Variants in LINGO2 observed in about 807,000 individuals in gnomAD.
The protein encoded by LINGO2 is leucine-rich repeat and immunoglobulin-like domain-containing nogo receptor-interacting protein 2.
Under a neutral mutation model 30.6 loss-of-function variants are expected in LINGO2, and 14 were observed. The ratio of observed to expected loss-of-function variants is 0.46; its 90% CI spans 0.30 to 0.72. The LOEUF is 0.72. Ranked by LOEUF, LINGO2 falls within the 30% of genes least tolerant of loss-of-function variation. LINGO2 has a pLI of 0.07. For synonymous variants in LINGO2, 317 were observed against 288.5 expected, an observed-to-expected ratio of 1.10 and a Z score of -1.00; for missense variants, 729 against 751.7, an observed-to-expected ratio of 0.97 and a Z score of 0.35.
At chr9:27,978,527 G>A (rs184523102) in intron 5 of LINGO2, among the ~76,000 whole-genome samples, 32 of 152,112 alleles carry the variant, frequency 2.1e-4, no homozygotes, top group Admixed American at 1.8e-3. Context: ...TTTCCACCAT[G>A]TGAGGACACA....
At chr9:28,596,112 A>G (rs1208211024) in intron 1 of LINGO2, among the ~76,000 whole-genome samples, 1 of 152,208 alleles carries the variant, frequency 6.6e-6, no homozygotes, top group Non-Finnish European at 1.5e-5. Flanking sequence ...ATGATAGCAT[A>G]TACTTGAGAG....
chr9:28,213,073 T>C lies in LINGO2; in HGVS notation c.-87+82135A>G, dbSNP rs73446001. ...TGAATCTGAAACTGTATGCAAAGTT[T>C]TGCCCTGTGCAATGACATTTGTAAG... On this transcript the variant is annotated intron_variant, in intron 4 of 5. Transcript: ENST00000379992. Among the ~76,000 whole-genome samples, 1,167 of 151,644 alleles carry C rather than the reference T, an allele frequency of 7.7e-3. 9 individuals are homozygous for C. Among genetic ancestry groups the C allele is most frequent in the African/African-American group, 0.027 (1,121 of 41,476 alleles).
At chr9:28,680,448 C>T in the LINGO2 span, among the ~76,000 whole-genome samples, 3 of 152,068 alleles carry the variant, frequency 2.0e-5, no homozygotes, top group Non-Finnish European at 4.4e-5. Context: ...CTTCAACATA[C>T]TGATTTTATT....
the LINGO2 span, among the ~76,000 whole-genome samples, chr9:28,969,993 T>C: frequency 2.6e-5 from 4 of 152,228 alleles, no homozygotes; most frequent in African/African-American, 9.6e-5. Flanking sequence ...AATATGTGTT[T>C]ATGATTCATC....
intron 5 of LINGO2, among the ~76,000 whole-genome samples, chr9:27,999,662 T>C (rs1384527596): frequency 7.9e-5 from 12 of 152,152 alleles, no homozygotes. Flanking sequence ...AAGTCTTCTT[T>C]TGAAATATTA....
intron 4 of LINGO2, among the ~76,000 whole-genome samples, chr9:28,090,714 G>A (rs1826054501): frequency 6.6e-6 from 1 of 152,108 alleles, no homozygotes; most frequent in Admixed American, 6.6e-5. Flanking sequence ...GTTCTGGCCA[G>A]GGCAATTAGG....
chr9:28,441,354 A>T (rs1250329495), intron 2 of LINGO2, among the ~76,000 whole-genome samples: 2 of 139,094 alleles, frequency 1.4e-5, no homozygotes, highest in South Asian at 2.3e-4. Context: ...TTAAATACAG[A>T]AGCTCTTTGT....
intron 2 of LINGO2, among the ~76,000 whole-genome samples, chr9:28,424,414 G>A (rs1320203179): frequency 6.6e-6 from 1 of 152,102 alleles, no homozygotes; most frequent in Non-Finnish European, 1.5e-5. Context: ...CCAATAGCTA[G>A]ACAATTGCCA....
At chr9:28,990,914 A>G in the LINGO2 span, among the ~76,000 whole-genome samples, 1 of 152,200 alleles carries the variant, frequency 6.6e-6, no homozygotes, top group African/African-American at 2.4e-5. Flanking sequence ...AAAGATGGGG[A>G]AAAAACAGAG....
intron 2 of LINGO2, among the ~76,000 whole-genome samples, chr9:28,417,472 A>T (rs1435416519): frequency 6.6e-6 from 1 of 152,248 alleles, no homozygotes; most frequent in African/African-American, 2.4e-5. Context: ...GATAAGTCTG[A>T]TAATATAGAA....
At chr9:28,119,970 A>G (rs1368624592) in intron 4 of LINGO2, among the ~76,000 whole-genome samples, 1 of 152,170 alleles carries the variant, frequency 6.6e-6, no homozygotes, top group Non-Finnish European at 1.5e-5. Flanking sequence ...TTCCCAACAT[A>G]CCTATTGTGG....
chr9:28,429,522 A>T (rs1045336775), intron 2 of LINGO2, among the ~76,000 whole-genome samples: 1 of 152,094 alleles, frequency 6.6e-6, no homozygotes, highest in Non-Finnish European at 1.5e-5. Flanking sequence ...ACCAATATGG[A>T]GCTGTGCATA....
At chr9:29,212,223 C>G in the LINGO2 span, among the ~76,000 whole-genome samples, 3 of 152,028 alleles carry the variant, frequency 2.0e-5, no homozygotes, top group Admixed American at 2.0e-4. Flanking sequence ...CGGAAGCGCG[C>G]CGGGACTGCC....
At chr9:28,386,410 A>G (rs145772235) in intron 2 of LINGO2, among the ~76,000 whole-genome samples, 1 of 152,152 alleles carries the variant, frequency 6.6e-6, no homozygotes, top group Non-Finnish European at 1.5e-5. Context: ...AACTGTACAT[A>G]TCCTGTTCCT....
chr9:28,609,043 A>T (rs532854836), intron 1 of LINGO2, among the ~76,000 whole-genome samples: 1 of 152,106 alleles, frequency 6.6e-6, no homozygotes, highest in African/African-American at 2.4e-5. Flanking sequence ...CAATACAATC[A>T]GATATGTCCA....
the LINGO2 span, among the ~76,000 whole-genome samples, chr9:28,924,856 C>A: frequency 1.3e-5 from 2 of 152,090 alleles, no homozygotes; most frequent in East Asian, 3.9e-4. Context: ...TACATAATGA[C>A]CTTGTCTCTT....
the LINGO2 span, among the ~76,000 whole-genome samples, chr9:28,784,065 A>G: frequency 6.6e-6 from 1 of 152,324 alleles, no homozygotes; most frequent in Admixed American, 6.5e-5. Flanking sequence ...TCATCCTATT[A>G]GTTTTGGAGG....
intron 4 of LINGO2, among the ~76,000 whole-genome samples, chr9:28,272,100 T>C (rs1002489440): frequency 6.6e-6 from 1 of 152,170 alleles, no homozygotes; most frequent in Non-Finnish European, 1.5e-5. Flanking sequence ...ACCATTTTCA[T>C]GGCTGCAGCC....
the LINGO2 span, among the ~76,000 whole-genome samples, chr9:28,870,023 GA>G: frequency 3.6e-4 from 53 of 146,766 alleles, no homozygotes; most frequent in Non-Finnish European, 5.4e-4. Context: ...TTCAGAATCA[GA>G]AAAAAAAAAC....
Sources: gnomAD v4.1 joint callset for allele counts (sites outside exome capture counted in the v4.1 genomes callset) on GRCh38, gnomAD v4.1.1 for gene constraint, MANE v1.5 for transcripts, NCBI Gene and HGNC (gene_info 2026-07-23, HGNC 2026-07-21) for gene names.